ACTR3C: variants seen among roughly 807,000 people sequenced by gnomAD.
ACTR3C encodes actin-related protein 3C.
Under a neutral mutation model 26.3 loss-of-function variants are expected in ACTR3C, and 18 were observed. That is an observed-to-expected ratio of 0.68 (90% confidence interval 0.47 to 1.01). The LOEUF is 1.01. Among genes scored for constraint, ACTR3C ranks in the 50% least tolerant of loss-of-function variants. ACTR3C has a pLI of 0.00. For missense variants in ACTR3C, 184 were observed against 250.7 expected (o/e 0.73, Z 1.80); for synonymous variants, 55 against 94.5 (o/e 0.58, Z 2.42).
chr7:150,000,807 C>T, the ACTR3C span: 1 of 138,754 alleles, frequency 7.2e-6, no homozygotes, highest in African/African-American at 2.6e-5. Context: ...ATCCAGTCCC[C>T]TCGACTCCCT....
At chr7:150,130,819 G>A in the ACTR3C span, among the ~76,000 whole-genome samples, 5 of 152,282 alleles carry the variant, frequency 3.3e-5, no homozygotes, top group South Asian at 1.0e-3. Flanking sequence ...TTGAACCACT[G>A]ATAAGCATGC....
chr7:150,041,802 C>A, the ACTR3C span, among the ~76,000 whole-genome samples: 5 of 139,258 alleles, frequency 3.6e-5, no homozygotes, highest in Admixed American at 2.1e-4. Flanking sequence ...GGGGTGCCTC[C>A]CCCCCTGCGA....
At chr7:150,290,779 A>T (rs1836185253) in intron 3 of ACTR3C, among the ~76,000 whole-genome samples, 2 of 152,242 alleles carry the variant, frequency 1.3e-5, no homozygotes, top group African/African-American at 4.8e-5. Context: ...CTAAAACTCA[A>T]CTTAAACCCA....
chr7:150,127,043 T>C, the ACTR3C span, among the ~76,000 whole-genome samples: 4 of 152,184 alleles, frequency 2.6e-5, no homozygotes, highest in Non-Finnish European at 4.4e-5. Flanking sequence ...GTCCACACTC[T>C]GTTCTGAACC....
chr7:150,134,762 T>C, the ACTR3C span, among the ~76,000 whole-genome samples: 2 of 152,238 alleles, frequency 1.3e-5, no homozygotes, highest in Non-Finnish European at 2.9e-5. Context: ...AGTCTCTCCA[T>C]ATCTACCTCT....
At chr7:149,975,826 T>C in the ACTR3C span, among the ~76,000 whole-genome samples, 1 of 152,148 alleles carries the variant, frequency 6.6e-6, no homozygotes, top group Non-Finnish European at 1.5e-5. Context: ...GAGAACTCAT[T>C]GTCACAAGAA....
the ACTR3C span, among the ~76,000 whole-genome samples, chr7:150,038,932 G>T: frequency 1.2e-5 from 1 of 86,214 alleles, no homozygotes; most frequent in African/African-American, 3.8e-5. Context: ...GGTGGAAGAG[G>T]GGATAGCTCT....
chr7:149,976,733 GTCAGAGT>G, the ACTR3C span, among the ~76,000 whole-genome samples: 8 of 152,074 alleles, frequency 5.3e-5, 1 homozygote, highest in Admixed American at 5.2e-4. Flanking sequence ...TAATGTGTCA[GTCAGAGT>G]TCAAACTTGA....
the ACTR3C span, among the ~76,000 whole-genome samples, chr7:150,236,607 T>C: frequency 3.8e-4 from 58 of 152,286 alleles, no homozygotes; most frequent in South Asian, 0.011. Context: ...TCTGCCATGA[T>C]GAAAGACCAG....
the ACTR3C span, among the ~76,000 whole-genome samples, chr7:150,085,962 T>TTTTTTTC: frequency 2.0e-5 from 3 of 151,712 alleles, no homozygotes; most frequent in African/African-American, 7.3e-5. Context: ...CCCATGATTT[T>TTTTTTTC]TTTTTTCTTT....
chr7:150,126,399 C>T, the ACTR3C span, among the ~76,000 whole-genome samples: 1 of 152,164 alleles, frequency 6.6e-6, no homozygotes. Flanking sequence ...TTTTTGGGGT[C>T]ACAAATAAAT....
the ACTR3C span, among the ~76,000 whole-genome samples, chr7:149,963,099 C>T: frequency 1.3e-5 from 2 of 152,246 alleles, no homozygotes; most frequent in Admixed American, 1.3e-4. Flanking sequence ...GAGAGACTCA[C>T]TCGGTCCTGT....
chr7:150,144,748 A>T, the ACTR3C span, among the ~76,000 whole-genome samples: 2 of 152,124 alleles, frequency 1.3e-5, no homozygotes, highest in African/African-American at 4.8e-5. The surrounding 1 kb of genome is among the most constrained non-coding windows in gnomAD (Gnocchi z 4.6). Flanking sequence ...ACTGAAACTT[A>T]TTTAAAACAA....
At chr7:150,079,152 A>G in the ACTR3C span, among the ~76,000 whole-genome samples, 633 of 152,296 alleles carry the variant, frequency 4.2e-3, 2 homozygotes, top group Non-Finnish European at 6.8e-3. Flanking sequence ...TGGGAGTGCC[A>G]GGTCACTTAC....
chr7:150,122,115 C>T, the ACTR3C span, among the ~76,000 whole-genome samples: 1 of 152,120 alleles, frequency 6.6e-6, no homozygotes, highest in Admixed American at 6.5e-5. Context: ...AGACCTAAAA[C>T]CATAAAAACC....
the ACTR3C span, among the ~76,000 whole-genome samples, chr7:149,888,030 A>C: frequency 2.0e-5 from 3 of 152,094 alleles, no homozygotes; most frequent in Non-Finnish European, 4.4e-5. Context: ...GTGTGTCTTT[A>C]TCACCAGTGT....
At chr7:149,900,889 C>T in the ACTR3C span, among the ~76,000 whole-genome samples, 120 of 151,996 alleles carry the variant, frequency 7.9e-4, no homozygotes, top group Non-Finnish European at 1.1e-3. Flanking sequence ...AAAAATTAGC[C>T]GGGCGTGGTG....
the ACTR3C span, among the ~76,000 whole-genome samples, chr7:150,042,090 G>C: frequency 1.3e-5 from 1 of 76,246 alleles, no homozygotes; most frequent in Non-Finnish European, 2.8e-5. Context: ...CTCAGTCCCT[G>C]CCTCGCGGGG....
At chr7:149,968,303 T>C in the ACTR3C span, among the ~76,000 whole-genome samples, 3 of 152,226 alleles carry the variant, frequency 2.0e-5, no homozygotes, top group Non-Finnish European at 4.4e-5. Context: ...CCCAGCATTT[T>C]GGGAGGCTGA....
Sources: allele counts gnomAD v4.1 joint callset (sites outside exome capture counted in the v4.1 genomes callset), GRCh38; gene constraint gnomAD v4.1.1; non-coding constraint Gnocchi (gnomAD v3.1); transcripts MANE v1.5; gene names NCBI Gene and HGNC (gene_info 2026-07-23, HGNC 2026-07-21).